Variants in TLL1 observed in about 807,000 individuals in gnomAD.
TLL1 encodes the protein tolloid-like protein 1.
In TLL1, 49 loss-of-function variants were observed where a neutral mutation model predicts 128.2. That is an observed-to-expected ratio of 0.38 (90% CI 0.30 to 0.48). The LOEUF is 0.48. Ranked by LOEUF, TLL1 falls within the 20% of genes least tolerant of loss-of-function variation. The pLI is 0.96. For synonymous variants in TLL1, 454 were observed against 418.8 expected, an observed-to-expected ratio of 1.08 and a Z score of -1.03; for missense variants, 1,123 against 1,242.0, an observed-to-expected ratio of 0.90 and a Z score of 1.44.
chr4:166,008,015 G>C lies in TLL1; in HGVS notation c.884G>C (p.Ser295Thr). Residue 295 changes from serine (S) to threonine (T), a missense_variant, in exon 7 of 21, where the codon AGT (serine) becomes ACT (threonine). By Grantham distance (58) the Ser-to-Thr change is moderately conservative. This residue lies in a region of TLL1 where 480 missense variants were observed against 542.4 expected (regional missense o/e 0.89). Transcript: ENST00000061240. ...NSLGERYDFD[S>T]IMHYARNTFS... is the part of the protein sequence containing the mutation. ...CTTGGAGAAAGATATGATTTCGACA[G>C]TATCATGCACTATGCCAGGAACACC... 6.2e-7 allele frequency: 1 copy of C among 1,609,814 alleles called. No individual in the cohort carries two copies. The highest frequency in any genetic ancestry group is 8.5e-7 in the Non-Finnish European group (1 of 1,176,856).
At chr4:165,951,876 A>C (rs1561050288) in intron 1 of TLL1, among the ~76,000 whole-genome samples, 1 of 151,946 alleles carries the variant, frequency 6.6e-6, no homozygotes, top group East Asian at 1.9e-4. Flanking sequence ...GTTGTTGATA[A>C]TTTTTTTTCT....
At chr4:165,950,154 C>G (rs1734440112) in intron 1 of TLL1, among the ~76,000 whole-genome samples, 2 of 151,852 alleles carry the variant, frequency 1.3e-5, no homozygotes, top group African/African-American at 4.8e-5. Flanking sequence ...GACTTCAGAA[C>G]CAGGATAATT....
chr4:165,957,228 A>T (rs72697349), intron 1 of TLL1, among the ~76,000 whole-genome samples: 37,517 of 152,038 alleles, frequency 0.25, 5,451 homozygotes, highest in Non-Finnish European at 0.33. Flanking sequence ...AAATGACTTT[A>T]AACCAACAAT....
In TLL1 at chr4:166,091,171, A is replaced by G. The variant is rs753280483; in HGVS notation, c.2486A>G (p.Tyr829Cys). ...ATTGAGCAGCATCAAGAATGTGCTT[A>G]TGACCACTTAGAAGTATTTGATGGA... ...FEIEQHQECA[Y>C]DHLEVFDGET... is the part of the protein sequence containing the mutation. Residue 829 changes from tyrosine to cysteine, a missense_variant, in exon 19 of 21, where the codon TAT becomes TGT. Transcript: ENST00000061240. 1.2e-6 allele frequency: 2 copies of G among 1,613,192 alleles called. No homozygotes were observed. Among genetic ancestry groups the G allele is most frequent in the East Asian group, 4.5e-5 (2 of 44,724 alleles).
At chr4:165,963,676 A>G (rs1293907482) in intron 1 of TLL1, among the ~76,000 whole-genome samples, 1 of 152,220 alleles carries the variant, frequency 6.6e-6, no homozygotes, top group Non-Finnish European at 1.5e-5. Context: ...ATAATTGTCT[A>G]TAATTTATCA....
chr4:166,087,620 T>G (rs967555965), intron 18 of TLL1, among the ~76,000 whole-genome samples: 17 of 152,166 alleles, frequency 1.1e-4, no homozygotes, highest in Admixed American at 9.8e-4. Flanking sequence ...TAAATTTTAT[T>G]TCTGCATTAA....
chr4:166,086,680 C>T (rs1006514887), intron 18 of TLL1, among the ~76,000 whole-genome samples: 1 of 152,092 alleles, frequency 6.6e-6, no homozygotes, highest in South Asian at 2.1e-4. Context: ...ATGTAACTTT[C>T]GGAACATTCT....
chr4:165,882,978 A>G (rs1350191859), intron 1 of TLL1, among the ~76,000 whole-genome samples: 11 of 152,146 alleles, frequency 7.2e-5, no homozygotes, highest in East Asian at 5.8e-4. Context: ...AGTTACAGTA[A>G]GAACAGATGA....
At chr4:166,052,985 G>A (rs1221002794) in intron 12 of TLL1, among the ~76,000 whole-genome samples, 1 of 62,704 alleles carries the variant, frequency 1.6e-5, no homozygotes, top group African/African-American at 8.6e-5. Context: ...ATATATATTT[G>A]GCCAAATTGG....
At chr4:165,941,765 T>C (rs1022061813) in intron 1 of TLL1, among the ~76,000 whole-genome samples, 1 of 152,108 alleles carries the variant, frequency 6.6e-6, no homozygotes, top group African/African-American at 2.4e-5. Context: ...TTTATTAGTG[T>C]TTATTTTTCT....
chr4:166,008,169 A>G (rs1395874891), intron 7 of TLL1, 121 bp downstream of exon 7: 1 of 665,696 alleles, frequency 1.5e-6, no homozygotes, highest in Non-Finnish European at 2.7e-6. Context: ...CACTGCAGAA[A>G]GTAGAAAAAT....
chr4:166,021,844 A>G (rs1738253438), intron 8 of TLL1, among the ~76,000 whole-genome samples: 1 of 151,844 alleles, frequency 6.6e-6, no homozygotes, highest in Admixed American at 6.6e-5. Flanking sequence ...CTTTATTTTT[A>G]TATCCTATCT....
At chr4:166,057,344 C>G in intron 14 of TLL1, 35 bp downstream of exon 14, 1 of 1,612,186 alleles carries the variant, frequency 6.2e-7, no homozygotes, top group Non-Finnish European at 8.5e-7. Context: ...CCCCACCCCC[C>G]ACAATTATTT....
intron 19 of TLL1, among the ~76,000 whole-genome samples, chr4:166,096,235 G>A (rs1300175252): frequency 1.3e-5 from 2 of 148,736 alleles, no homozygotes; most frequent in Non-Finnish European, 2.9e-5. Context: ...GTGTGTGTGT[G>A]TGTGTGTGTC....
intron 18 of TLL1, among the ~76,000 whole-genome samples, chr4:166,079,444 T>C (rs370468441): frequency 1.3e-5 from 2 of 152,286 alleles, no homozygotes; most frequent in South Asian, 2.1e-4. Flanking sequence ...TCTTTCTCCA[T>C]CTTGAATGAT....
chr4:166,006,573 A>G (rs936194475), intron 6 of TLL1, among the ~76,000 whole-genome samples: 6 of 151,858 alleles, frequency 4.0e-5, no homozygotes, highest in Non-Finnish European at 8.9e-5. Context: ...CTGATCATAG[A>G]TTTGTTATAT....
intron 1 of TLL1, among the ~76,000 whole-genome samples, chr4:165,876,999 A>T (rs1003395397): frequency 2.6e-5 from 4 of 152,222 alleles, no homozygotes; most frequent in African/African-American, 9.6e-5. Flanking sequence ...ATATGTTCTC[A>T]ATACCTTCTC....
chr4:165,881,863 T>C (rs183725680), intron 1 of TLL1, among the ~76,000 whole-genome samples: 1 of 152,316 alleles, frequency 6.6e-6, no homozygotes, highest in African/African-American at 2.4e-5. Context: ...AATTTAGTCA[T>C]GAGTGCCCTG....
chr4:165,934,946 G>C (rs577817667), intron 1 of TLL1, among the ~76,000 whole-genome samples: 61 of 152,276 alleles, frequency 4.0e-4, no homozygotes, highest in South Asian at 8.3e-4. Context: ...GAATACTGCT[G>C]GGGAGAGTCA....
Sources: allele counts gnomAD v4.1 joint callset (sites outside exome capture counted in the v4.1 genomes callset), GRCh38; gene constraint gnomAD v4.1.1; regional missense constraint gnomAD v4.1.1; transcripts MANE v1.5; gene names NCBI Gene and HGNC (gene_info 2026-07-23, HGNC 2026-07-21).